SULT1E1: variants seen among roughly 807,000 people sequenced by gnomAD.
SULT1E1 encodes sulfotransferase family 1E member 1.
In SULT1E1, 36 loss-of-function variants were observed where a neutral mutation model predicts 33.6. The observed-to-expected ratio is 1.07, with a 90% CI of 0.82 to 1.41. SULT1E1 has a LOEUF of 1.41. Among genes scored for constraint, SULT1E1 ranks in the 40% most tolerant of loss-of-function variants. SULT1E1 has a pLI of 0.00. For synonymous variants in SULT1E1, 121 were observed against 111.7 expected (o/e 1.08, Z -0.53); for missense variants, 371 against 345.7 (o/e 1.07, Z -0.58).
At chr4:69,824,449 G>C in the SULT1E1 span, among the ~76,000 whole-genome samples, 1 of 152,142 alleles carries the variant, frequency 6.6e-6, no homozygotes, top group East Asian at 1.9e-4. Flanking sequence ...GCCTTCTCCT[G>C]GTCAGTCTCC....
chr4:69,855,191 G>A (rs1721210230), intron 3 of SULT1E1, 110 bp downstream of exon 3: 4 of 1,138,612 alleles, frequency 3.5e-6, no homozygotes, highest in African/African-American at 3.1e-5. Flanking sequence ...GTCTTATGTA[G>A]AAGACCTGAT....
chr4:69,856,459 G>T (rs898752897), intron 2 of SULT1E1, among the ~76,000 whole-genome samples: 8 of 152,316 alleles, frequency 5.3e-5, no homozygotes, highest in African/African-American at 1.9e-4. Context: ...TTAAGAGGCT[G>T]ACTGTGAGAC....
intron 2 of SULT1E1, among the ~76,000 whole-genome samples, chr4:69,856,621 G>A (rs1414130193): frequency 6.6e-6 from 1 of 152,104 alleles, no homozygotes; most frequent in Non-Finnish European, 1.5e-5. Flanking sequence ...AGAAAATAAA[G>A]AAGCAGATTT....
the SULT1E1 span, among the ~76,000 whole-genome samples, chr4:69,835,222 A>G: frequency 1.3e-5 from 2 of 152,098 alleles, no homozygotes; most frequent in Admixed American, 6.5e-5. Context: ...GAAACTTTCC[A>G]TTATTTGGGT....
chr4:69,841,070 A>T (rs972402222), downstream of SULT1E1: 1 of 152,118 alleles, frequency 6.6e-6, no homozygotes, highest in Non-Finnish European at 1.5e-5. Flanking sequence ...AGAAAATAAA[A>T]GAAAATAAGG....
At chr4:69,838,282 G>GT (rs1375800639), downstream of SULT1E1, among the ~76,000 whole-genome samples, 252 of 151,138 alleles carry the variant, frequency 1.7e-3, 1 homozygote, top group South Asian at 3.6e-3. Context: ...TAATTTAATT[G>GT]TTTTTATTTT....
downstream of SULT1E1, chr4:69,838,545 C>T (rs965016747): frequency 6.6e-6 from 1 of 152,172 alleles, no homozygotes; most frequent in Non-Finnish European, 1.5e-5. Context: ...TGACGCTGTA[C>T]TTTTACTGGA....
At chr4:69,822,166 A>T in the SULT1E1 span, among the ~76,000 whole-genome samples, 13 of 152,334 alleles carry the variant, frequency 8.5e-5, no homozygotes, top group East Asian at 2.3e-3. Context: ...AATTCCCTCA[A>T]CAATTCTGTT....
chr4:69,857,357 C>G, intron 2 of SULT1E1, 143 bp downstream of exon 2: 3 of 1,007,924 alleles, frequency 3.0e-6, no homozygotes, highest in Non-Finnish European at 4.2e-6. Flanking sequence ...TGGAATAGAG[C>G]TACCTTTTCT....
chr4:69,821,928 C>T, the SULT1E1 span, among the ~76,000 whole-genome samples: 3 of 152,152 alleles, frequency 2.0e-5, no homozygotes. Context: ...GATATTATAA[C>T]TGACATATCA....
chr4:69,833,871 A>C, the SULT1E1 span, among the ~76,000 whole-genome samples: 1 of 152,192 alleles, frequency 6.6e-6, no homozygotes, highest in Non-Finnish European at 1.5e-5. Flanking sequence ...CTATGTTAAA[A>C]GCCATCAAAG....
chr4:69,821,219 A>G, the SULT1E1 span, among the ~76,000 whole-genome samples: 2 of 152,214 alleles, frequency 1.3e-5, no homozygotes, highest in African/African-American at 4.8e-5. Flanking sequence ...AGAATTTATA[A>G]AAACTTAAAA....
chr4:69,855,465 T>C, intron 2 of SULT1E1, 39 bp from the exon 3 acceptor site: 1 of 1,580,740 alleles, frequency 6.3e-7, no homozygotes, highest in East Asian at 2.2e-5. Flanking sequence ...CTGCTGACCC[T>C]GTAGAGTTGA....
the SULT1E1 span, among the ~76,000 whole-genome samples, chr4:69,825,608 AGTTGGGAGCATTG>A: frequency 1.3e-5 from 2 of 152,090 alleles, no homozygotes; most frequent in Non-Finnish European, 2.9e-5. Context: ...CGACTCTCGG[AGTTGGGAGCATTG>A]GTTTCCCTGG....
At chr4:69,853,658 G>C (rs545538161) in intron 4 of SULT1E1, among the ~76,000 whole-genome samples, 47 of 152,126 alleles carry the variant, frequency 3.1e-4, no homozygotes, top group Admixed American at 1.2e-3. Flanking sequence ...TTTCTGAAAT[G>C]GACTAGGTGT....
intron 1 of SULT1E1, among the ~76,000 whole-genome samples, chr4:69,859,231 G>T (rs11573742): frequency 6.6e-6 from 1 of 151,670 alleles, no homozygotes; most frequent in Non-Finnish European, 1.5e-5. Context: ...TTTCCTTCCC[G>T]CTCTCCTTCC....
intron 5 of SULT1E1, among the ~76,000 whole-genome samples, chr4:69,848,785 T>C (rs1398744027): frequency 2.6e-5 from 4 of 151,974 alleles, no homozygotes; most frequent in Admixed American, 2.6e-4. Flanking sequence ...TACTACATGA[T>C]CAGAATGGCC....
At chr4:69,833,992 T>C in the SULT1E1 span, among the ~76,000 whole-genome samples, 1 of 152,228 alleles carries the variant, frequency 6.6e-6, no homozygotes, top group African/African-American at 2.4e-5. Context: ...ATGTTCTTTG[T>C]AGCTTAGCTT....
Position 69,841,351 on chromosome 4 carries a change from AAAC to A in SULT1E1, c.*640_*642del, listed in dbSNP as rs1370255217. 3 of 152,204 alleles carry A rather than the reference AAAC, an allele frequency of 2.0e-5. No individual in the cohort carries two copies. Among genetic ancestry groups the A allele is most frequent in the Non-Finnish European group, 4.4e-5 (3 of 68,050 alleles). 9.4% of individuals were successfully genotyped at this position (152,204 alleles called of 1,614,324 possible). A position where few individuals can be genotyped will look rare whatever the true frequency, so the allele number is the denominator to read the frequency against. Reference sequence around the variant, plus strand: ...AAGAAGAGGAAGCAAAAGAAAAAGAAAACAAAATTTAAGAGATGATAGTAGGAA... The same window carrying A: ...AAGAAGAGGAAGCAAAAGAAAAAGAAAAAATTTAAGAGATGATAGTAGGAA... On this transcript the variant is annotated 3_prime_UTR_variant, in exon 8 of 8. Coordinates refer to ENST00000226444, the MANE Select transcript of SULT1E1 (RefSeq NM_005420.3).
Sources: allele counts gnomAD v4.1 joint callset (sites outside exome capture counted in the v4.1 genomes callset), GRCh38; gene constraint gnomAD v4.1.1; transcripts MANE v1.5; gene names NCBI Gene and HGNC (gene_info 2026-07-23, HGNC 2026-07-21).